The following COL11A2 variants were observed in gnomAD, a reference collection of about 807,000 sequenced individuals.
The protein encoded by COL11A2 is collagen alpha-2(XI) chain.
Under a neutral mutation model 273.4 loss-of-function variants are expected in COL11A2, and 116 were observed. That is an observed-to-expected ratio of 0.42 (90% CI 0.36 to 0.49). COL11A2 has a LOEUF of 0.49. COL11A2 is among the 20% of genes least tolerant of loss of function. The pLI is 0.00. For missense variants in COL11A2, 1,866 were observed against 2,309.0 expected, an observed-to-expected ratio of 0.81 and a Z score of 3.93; for synonymous variants, 782 against 864.2, an observed-to-expected ratio of 0.90 and a Z score of 1.67.
In COL11A2 at chr6:33,171,654, A is replaced by G. The variant is rs367818058; in HGVS notation, c.3150+59T>C. The G allele has an allele frequency of 1.1e-5, 17 of 1,600,040 alleles. No individual in the cohort carries two copies. The African/African-American group carries it at 1.7e-4, about 16-fold the overall frequency. ...CCCCACAGGAAACTTGTCATAGCCC[A>G]TCAACCCTAGGCTCACAGACCCCTC... On this transcript the variant is annotated intron_variant, in intron 42 of 65. Coordinates refer to ENST00000341947, the MANE Select transcript of COL11A2 (RefSeq NM_080680.3).
At position 33,166,049 on chromosome 6, in the gene COL11A2, A is replaced by C; in HGVS notation, c.4429-65T>G. The C allele has an allele frequency of 6.2e-7, 1 of 1,610,778 alleles. No homozygotes were observed. Among genetic ancestry groups the C allele is most frequent in the East Asian group, 2.2e-5 (1 of 44,838 alleles). On this transcript the variant is annotated intron_variant, in intron 61 of 65. Transcript: ENST00000341947. The surrounding 1 kb of genome is among the most constrained non-coding windows in gnomAD (Gnocchi z 4.8). Reference sequence around the variant, plus strand: ...TCAAGCATGGATCAAGGTCACAGAAAGATCAAATCAGCCTCCTGGCTGGAA... The same window carrying C: ...TCAAGCATGGATCAAGGTCACAGAACGATCAAATCAGCCTCCTGGCTGGAA...
Position 33,175,386 on chromosome 6 carries a change from C to T in COL11A2, c.2376+188G>A, listed in dbSNP as rs879243985. On this transcript the variant is annotated intron_variant, in intron 30 of 65. Coordinates refer to ENST00000341947, the MANE Select transcript of COL11A2 (RefSeq NM_080680.3). The stretch of plus-strand genomic sequence containing the variant: ...CCAACTCTTCGTGTCAGGGACTTTT[C>T]CCTGACTTCTTATATATCCCCTCTG... 1.7e-5 allele frequency: 12 copies of T among 695,190 alleles called. No individual in the cohort carries two copies. In the Middle Eastern group the frequency reaches 1.4e-3, roughly 78 times the overall value. The allele number at this position is 695,190 out of a possible 1,614,324, so 43.1% of individuals were successfully genotyped here. A position where few individuals can be genotyped will look rare whatever the true frequency, so the allele number is the denominator to read the frequency against.
chr6:33,178,837 A>T lies in COL11A2; in HGVS notation c.1665+83T>A. 6.2e-7 allele frequency: 1 copy of T among 1,607,226 alleles called. No individual in the cohort carries two copies. Among genetic ancestry groups the T allele is most frequent in the South Asian group, 1.1e-5 (1 of 90,958 alleles). Reference sequence around the variant, plus strand: ...GGGTGCTGATCCTGGGGAAGCCTGGAGAACTAGGTCATCCCCAAGAAACAA... The same window carrying T: ...GGGTGCTGATCCTGGGGAAGCCTGGTGAACTAGGTCATCCCCAAGAAACAA... On this transcript the variant is annotated intron_variant, in intron 17 of 65. Coordinates refer to ENST00000341947, the MANE Select transcript of COL11A2 (RefSeq NM_080680.3). The surrounding 1 kb of genome is among the most constrained non-coding windows in gnomAD (Gnocchi z 4.6).
chr6:33,175,831 G>C, intron 29 of COL11A2, 150 bp from the exon 30 acceptor site: 1 of 1,073,560 alleles, frequency 9.3e-7, no homozygotes, highest in South Asian at 1.3e-5. Context: ...GGATAGTGTA[G>C]TGATGGGAGG....
intron 1 of COL11A2, 47 bp downstream of exon 1, chr6:33,192,112 G>A: frequency 6.6e-7 from 1 of 1,525,756 alleles, no homozygotes; most frequent in Non-Finnish European, 8.9e-7. Context: ...GAGACACTCA[G>A]AGCTCCAGCC....
chr6:33,165,940 T>C lies in COL11A2; in HGVS notation c.4473A>G (p.Pro1491=). 6.2e-7 allele frequency: 1 copy of C among 1,613,936 alleles called. No homozygotes were observed. The highest frequency in any genetic ancestry group is 8.5e-7 in the Non-Finnish European group (1 of 1,179,990). ...PKGEKGVQGP[P]GHPGPPGEVI... ...CTGACTCCTCACTCACCGGGTGTCC[T>C]GGAGGGCCCTGCACACCCTTCTCTC... The change falls in exon 62 of 66, where the codon CCA becomes CCG. Residue 1491 remains proline (P), a synonymous_variant. Coordinates refer to ENST00000341947, the MANE Select transcript of COL11A2 (RefSeq NM_080680.3). The surrounding 1 kb of genome is among the most constrained non-coding windows in gnomAD (Gnocchi z 7.7).
Position 33,168,765 on chromosome 6 carries a change from G to C in COL11A2, c.3853-6C>G, listed in dbSNP as rs1769578812. The C allele has an allele frequency of 2.5e-6, 4 of 1,597,218 alleles. No homozygotes were observed. Among genetic ancestry groups the C allele is most frequent in the Non-Finnish European group, 3.4e-6 (4 of 1,171,730 alleles). ...CCCTTAGCACCATCCTGGCCCTGCA[G>C]AAGTGAAGCAAGGTCAGAGGTGGGC... On this transcript the variant is annotated splice_polypyrimidine_tract_variant and splice_region_variant and intron_variant, in intron 52 of 65. Coordinates refer to ENST00000341947, the MANE Select transcript of COL11A2 (RefSeq NM_080680.3).
At position 33,189,614 on chromosome 6, in the gene COL11A2, G is replaced by T; in HGVS notation, c.83-145C>A. ...CCTCACCCTCACTTGCTTCTGAACA[G>T]TACCTGAATGGATGGGAAATGCAAA... is the stretch of plus-strand genomic sequence containing the variant. On this transcript the variant is annotated intron_variant, in intron 1 of 65. Coordinates refer to ENST00000341947, the MANE Select transcript of COL11A2 (RefSeq NM_080680.3). This position sits in a 1 kb window ranked among gnomAD's most constrained non-coding sequence, Gnocchi z 5.6. 1 of 1,059,662 alleles carries T rather than the reference G, an allele frequency of 9.4e-7. No homozygotes were observed. The highest frequency in any genetic ancestry group is 1.4e-6 in the Non-Finnish European group (1 of 732,906). 65.6% of individuals were successfully genotyped at this position (1,059,662 alleles called of 1,614,324 possible).
At chr6:33,185,463 G>A (rs1458028558) in intron 6 of COL11A2, among the ~76,000 whole-genome samples, 3 of 152,108 alleles carry the variant, frequency 2.0e-5, no homozygotes, top group African/African-American at 4.8e-5. Context: ...TTGGCAGGTG[G>A]GGTAGGCTTT....
chr6:33,163,959 G>C lies in COL11A2; in HGVS notation c.5071-141C>G, dbSNP rs1768710378. On this transcript the variant is annotated intron_variant, in intron 65 of 65. Coordinates refer to ENST00000341947, the MANE Select transcript of COL11A2 (RefSeq NM_080680.3). The surrounding 1 kb of genome is among the most constrained non-coding windows in gnomAD (Gnocchi z 4.1). ...GGATGTACAGACTGGCAGTGTCTAT[G>C]TGCCCATGCGTGTGTGTTTGCTTCT... 2 of 1,215,004 alleles carry C rather than the reference G, an allele frequency of 1.6e-6. No individual in the cohort carries two copies. Among genetic ancestry groups the C allele is most frequent in the Admixed American group, 3.8e-5 (2 of 52,376 alleles). 75.3% of individuals were successfully genotyped at this position (1,215,004 alleles called of 1,614,324 possible). A position where few individuals can be genotyped will look rare whatever the true frequency, so the allele number is the denominator to read the frequency against.
chr6:33,184,068 G>T, intron 8 of COL11A2, 77 bp downstream of exon 8: 1 of 1,270,574 alleles, frequency 7.9e-7, no homozygotes. Context: ...CAACAGCCAA[G>T]GATCGAAACC....
chr6:33,183,750 T>C (rs902592598), intron 8 of COL11A2, among the ~76,000 whole-genome samples: 1 of 152,062 alleles, frequency 6.6e-6, no homozygotes, highest in Non-Finnish European at 1.5e-5. Flanking sequence ...GGTAGAAACA[T>C]GAACAAAAAA....
rs2150539654 is a variant in COL11A2 at position 33,170,373 on chromosome 6, G to A, written c.3535C>T (p.Pro1179Ser). The A allele has an allele frequency of 1.2e-6, 2 of 1,613,100 alleles. No homozygotes were observed. Among genetic ancestry groups the A allele is most frequent in the African/African-American group, 1.3e-5 (1 of 74,744 alleles). ...GGACCTCGAGGTCCTGGGGGGCCAG[G>A]TGGTCCCTGGGGGAAACAGATACAC... is the stretch of plus-strand genomic sequence containing the variant. ...ETGDVGPMGP[P>S]GPPGPRGPAG... Residue 1179 changes from proline to serine, a missense_variant, in exon 48 of 66, where the codon CCT becomes TCT. Transcript: ENST00000341947. This position sits in a 1 kb window ranked among gnomAD's most constrained non-coding sequence, Gnocchi z 4.3.
chr6:33,174,073 GA>G lies in COL11A2; in HGVS notation c.2485-19del. The G allele has an allele frequency of 6.2e-7, 1 of 1,613,688 alleles. No individual in the cohort carries two copies. Among genetic ancestry groups the G allele is most frequent in the Non-Finnish European group, 8.5e-7 (1 of 1,179,988 alleles). Reference sequence around the variant, plus strand: ...GACAGGCCCTGGTGGGAATGAAGCAGAGAGAACATTACCCAGGGTGAGACTC... The same window carrying G: ...GACAGGCCCTGGTGGGAATGAAGCAGGAGAACATTACCCAGGGTGAGACTC... On this transcript the variant is annotated intron_variant, in intron 32 of 65. Transcript: ENST00000341947.
Position 33,178,424 on chromosome 6 carries a change from A to G in COL11A2, c.1773+11T>C. ...CCTGCACCCAGCCCCTACATTTGCC[A>G]CTACACTTACCCTCTCTCCATCCTC... On this transcript the variant is annotated intron_variant, in intron 19 of 65. Transcript: ENST00000341947. The surrounding 1 kb of genome is among the most constrained non-coding windows in gnomAD (Gnocchi z 4.6). 5 of 1,612,818 alleles carry G rather than the reference A, an allele frequency of 3.1e-6. No homozygotes were observed. Among genetic ancestry groups the G allele is most frequent in the Non-Finnish European group, 4.2e-6 (5 of 1,179,946 alleles).
intron 39 of COL11A2, 66 bp from the exon 40 acceptor site, chr6:33,172,444 C>G (rs550416164): frequency 4.5e-6 from 7 of 1,554,740 alleles, no homozygotes; most frequent in Admixed American, 1.8e-5. Context: ...GCTCTCCAGC[C>G]CCCCCTCAAA....
At position 33,166,640 on chromosome 6, in the gene COL11A2, G is replaced by T. The variant is rs1769188103; in HGVS notation, c.4339-74C>A. Reference sequence around the variant, plus strand: ...CTGAGCACCTGCTCGCTTACCCACAGCTGAGTCCCAACTCCAACTCCACCC... The same window carrying T: ...CTGAGCACCTGCTCGCTTACCCACATCTGAGTCCCAACTCCAACTCCACCC... On this transcript the variant is annotated intron_variant, in intron 59 of 65. Coordinates refer to ENST00000341947, the MANE Select transcript of COL11A2 (RefSeq NM_080680.3). The surrounding 1 kb of genome is among the most constrained non-coding windows in gnomAD (Gnocchi z 4.8). 3 of 1,610,848 alleles carry T rather than the reference G, an allele frequency of 1.9e-6. No homozygotes were observed. In the East Asian group the frequency reaches 6.7e-5, roughly 36 times the overall value.
chr6:33,192,211 G>C lies in COL11A2; in HGVS notation c.30C>G (p.Leu10=), dbSNP rs1351061215. 45 of 1,566,164 alleles carry C rather than the reference G, an allele frequency of 2.9e-5. No individual in the cohort carries two copies. Among genetic ancestry groups the C allele is most frequent in the Non-Finnish European group, 3.8e-5 (44 of 1,155,502 alleles). Residue 10 remains leucine, a synonymous_variant, in exon 1 of 66, where the codon CTC becomes CTG. Coordinates refer to ENST00000341947, the MANE Select transcript of COL11A2 (RefSeq NM_080680.3). MERCSRCHR[L]LLLLPLVLGL... ...CCAGCACCAGAGGTAGGAGGAGGAG[G>C]AGGCGATGGCAGCGGCTGCACCGCT...
Position 33,180,302 on chromosome 6 carries a change from A to G in COL11A2, c.1315T>C (p.Ser439Pro). Residue 439 changes from serine (S) to proline (P), a missense_variant, in exon 12 of 66, where the codon TCA (serine) becomes CCA (proline). Physicochemically the swap from Ser to Pro is moderately conservative, Grantham distance 74 (BLOSUM62 -1). Transcript: ENST00000341947. Reference protein sequence around the residue: ...GPPGRAGLPGSDGAPGPPGTS... With the variant: ...GPPGRAGLPGPDGAPGPPGTS... ...CCAGGAGGACCAGGAGCCCCATCTG[A>G]TCCAGGGAGCCCTGCTCGGCCAGGG... is the stretch of plus-strand genomic sequence containing the variant. The G allele has an allele frequency of 1.2e-6, 2 of 1,612,932 alleles. No individual in the cohort carries two copies. Among genetic ancestry groups the G allele is most frequent in the Non-Finnish European group, 1.7e-6 (2 of 1,180,028 alleles).
Sources: allele counts gnomAD v4.1 joint callset (sites outside exome capture counted in the v4.1 genomes callset), GRCh38; gene constraint gnomAD v4.1.1; non-coding constraint Gnocchi (gnomAD v3.1); transcripts MANE v1.5; gene names NCBI Gene and HGNC (gene_info 2026-07-23, HGNC 2026-07-21).